NOTCH1: variants seen among roughly 807,000 people sequenced by gnomAD.
The protein encoded by NOTCH1 is neurogenic locus notch homolog protein 1.
In NOTCH1, 37 loss-of-function variants were observed where a neutral mutation model predicts 254.8. That is an observed-to-expected ratio of 0.15 (90% CI 0.11 to 0.19). NOTCH1 has a LOEUF of 0.19. Among genes scored for constraint, NOTCH1 ranks in the 10% least tolerant of loss-of-function variants. The pLI is 1.00. For missense variants in NOTCH1, 2,972 were observed against 3,708.6 expected (o/e 0.80, Z 5.16); for synonymous variants, 1,731 against 1,618.1 (o/e 1.07, Z -1.68).
chr9:136,512,979 T>C (rs1437688958), intron 15 of NOTCH1, 42 bp downstream of exon 15: 21 of 379,950 alleles, frequency 5.5e-5, no homozygotes, highest in Admixed American at 1.5e-4. Context: ...CCCTCCCACA[T>C]AGGCCCCGCC....
In NOTCH1 at chr9:136,520,906, G is replaced by A. The variant is rs576142009; in HGVS notation, c.743-1341C>T. Among the ~76,000 whole-genome samples, 8 of 152,290 alleles carry A rather than the reference G, an allele frequency of 5.3e-5. No individual in the cohort carries two copies. In the South Asian group the frequency reaches 6.2e-4, roughly 12 times the overall value. On this transcript the variant is annotated intron_variant, in intron 4 of 33. Transcript: ENST00000651671. Reference sequence around the variant, plus strand: ...GTGGGGGAGAGGGCGGGAAGCCAGCGAGAGCCCCGTGGACCCCAGCTGGAC... The same window carrying A: ...GTGGGGGAGAGGGCGGGAAGCCAGCAAGAGCCCCGTGGACCCCAGCTGGAC...
At position 136,497,097 on chromosome 9, in the gene NOTCH1, G is replaced by C. The variant is rs1422411830; in HGVS notation, c.6642C>G (p.Ala2214=). ...ACGGGGAGGGCAGCAGTGGCGGCGA[G>C]GCCACGTCTGACAGGTAGCCATGGG... ...ESPHGYLSDV[A]SPPLLPSPFQ... Residue 2214 remains alanine, a synonymous_variant, in exon 34 of 34, where the codon GCC becomes GCG. Coordinates refer to ENST00000651671, the MANE Select transcript of NOTCH1 (RefSeq NM_017617.5). 1 of 1,610,440 alleles carries C rather than the reference G, an allele frequency of 6.2e-7. No homozygotes were observed.
intron 2 of NOTCH1, among the ~76,000 whole-genome samples, chr9:136,531,206 C>T (rs1047618994): frequency 2.6e-5 from 4 of 152,240 alleles, no homozygotes; most frequent in Non-Finnish European, 5.9e-5. Context: ...GACCTACACT[C>T]GGGCTTTCCA....
chr9:136,515,000 G>A (rs762038807), intron 12 of NOTCH1, among the ~76,000 whole-genome samples: 1 of 152,204 alleles, frequency 6.6e-6, no homozygotes, highest in Admixed American at 6.5e-5. Context: ...AGCCACAGAG[G>A]CAGAAGGTAC....
intron 4 of NOTCH1, among the ~76,000 whole-genome samples, chr9:136,521,620 A>G: frequency 6.6e-6 from 1 of 152,104 alleles, no homozygotes; most frequent in African/African-American, 2.4e-5. Flanking sequence ...CTAGGAAGGC[A>G]TCTGAGCCCC....
Position 136,513,991 on chromosome 9 carries a change from G to A in NOTCH1, c.2208-454C>T, listed in dbSNP as rs1292541363. 3.3e-5 allele frequency among the ~76,000 whole-genome samples: 5 copies of A among 152,132 alleles called. No individual in the cohort carries two copies. Among genetic ancestry groups the A allele is most frequent in the Non-Finnish European group, 4.4e-5 (3 of 68,024 alleles). On this transcript the variant is annotated intron_variant, in intron 13 of 33. Coordinates refer to ENST00000651671, the MANE Select transcript of NOTCH1 (RefSeq NM_017617.5). This position sits in a 1 kb window ranked among gnomAD's most constrained non-coding sequence, Gnocchi z 4.7. ...CAAAATAAAGAAAAAAGTGGGGGCC[G>A]CAGCGCTTCCCATACCCAAGACTGC...
chr9:136,505,329 G>A lies in NOTCH1; in HGVS notation c.4567C>T (p.Arg1523Cys), dbSNP rs746025437. Residue 1523 changes from arginine (R) to cysteine (C), a missense_variant, in exon 25 of 34, where the codon CGT (arginine) becomes TGT (cysteine). Arg to Cys is a radical substitution (Grantham distance 180). Transcript: ENST00000651671. The stretch of plus-strand genomic sequence containing the variant: ...CCTTACTTGCACTGGCCTTCCGCAC[G>A]CTGGCAGTCAAAGCCGTCGAAGAGG... ...GCLFDGFDCQ[R>C]AEGQCNPLYD... 3 of 1,587,578 alleles carry A rather than the reference G, an allele frequency of 1.9e-6. No homozygotes were observed. The highest frequency in any genetic ancestry group is 1.3e-5 in the African/African-American group (1 of 74,572).
chr9:136,518,092 A>G, intron 7 of NOTCH1, 45 bp downstream of exon 7: 1 of 1,560,332 alleles, frequency 6.4e-7, no homozygotes, highest in Non-Finnish European at 8.6e-7. Context: ...TTCTGGGGCC[A>G]GGCTGCCACC....
At chr9:136,519,614 C>A (rs779590027) in intron 4 of NOTCH1, 49 bp from the exon 5 acceptor site, 1 of 1,611,740 alleles carries the variant, frequency 6.2e-7, no homozygotes, top group Non-Finnish European at 8.5e-7. Flanking sequence ...TCCAGTCCGG[C>A]TCCTGCCTGG....
rs763870136 is a variant in NOTCH1 at position 136,495,609 on chromosome 9, G to A, written c.*462C>T. On this transcript the variant is annotated 3_prime_UTR_variant, in exon 34 of 34. Coordinates refer to ENST00000651671, the MANE Select transcript of NOTCH1 (RefSeq NM_017617.5). ...CGGGCTGGCTTGGGGTTGGGTGGGC[G>A]TCGGGGAAAGGGCGCGGCCTGGACG... is the stretch of plus-strand genomic sequence containing the variant. The A allele has an allele frequency of 2.5e-5, 10 of 399,826 alleles. No homozygotes were observed. The highest frequency in any genetic ancestry group is 8.8e-5 in the Admixed American group (2 of 22,856). The allele number at this position is 399,826 out of a possible 1,614,324, so 24.8% of individuals were successfully genotyped here. A position where few individuals can be genotyped will look rare whatever the true frequency, so the allele number is the denominator to read the frequency against.
chr9:136,515,429 C>T (rs149227257), intron 11 of NOTCH1, 29 bp from the exon 12 acceptor site: 2 of 1,612,412 alleles, frequency 1.2e-6, no homozygotes, highest in South Asian at 1.1e-5. Flanking sequence ...TCGGTCAGTC[C>T]TCAGGCCCGC....
intron 2 of NOTCH1, among the ~76,000 whole-genome samples, chr9:136,532,773 G>A (rs1843582618): frequency 6.6e-6 from 1 of 152,234 alleles, no homozygotes; most frequent in Non-Finnish European, 1.5e-5. Context: ...GCGGCCCGGG[G>A]TCGCACGGCC....
At chr9:136,510,915 C>G in intron 16 of NOTCH1, 110 bp from the exon 17 acceptor site, 1 of 1,486,286 alleles carries the variant, frequency 6.7e-7, no homozygotes, top group Admixed American at 1.7e-5. Flanking sequence ...GAGTAGGCTT[C>G]CGTGACCCCA....
At chr9:136,536,307 C>A (rs1363172672) in intron 2 of NOTCH1, among the ~76,000 whole-genome samples, 1 of 152,166 alleles carries the variant, frequency 6.6e-6, no homozygotes, top group African/African-American at 2.4e-5. Flanking sequence ...GTCCCAAGGG[C>A]AACTTGGAGA....
chr9:136,517,652 G>A (rs1843297345), intron 8 of NOTCH1, 100 bp downstream of exon 8: 2 of 1,443,924 alleles, frequency 1.4e-6, no homozygotes, highest in Admixed American at 1.8e-5. Flanking sequence ...AGGCATGGAG[G>A]CTGGGGAAAG....
chr9:136,537,831 G>A (rs1411281033), intron 2 of NOTCH1, among the ~76,000 whole-genome samples: 2 of 152,150 alleles, frequency 1.3e-5, no homozygotes, highest in African/African-American at 4.8e-5. Flanking sequence ...AGTGGCTCAC[G>A]CCTGTAATCC....
intron 18 of NOTCH1, among the ~76,000 whole-genome samples, chr9:136,509,375 C>T (rs530376956): frequency 4.6e-5 from 7 of 152,316 alleles, no homozygotes; most frequent in East Asian, 3.9e-4. Flanking sequence ...CCTGGTAACA[C>T]GGGAGGTAAT....
chr9:136,534,299 G>A (rs137862405), intron 2 of NOTCH1, among the ~76,000 whole-genome samples: 13 of 152,306 alleles, frequency 8.5e-5, no homozygotes, highest in African/African-American at 2.6e-4. Flanking sequence ...ATGTCAAGGG[G>A]GCATTTACCC....
chr9:136,509,837 G>T lies in NOTCH1; in HGVS notation c.2865C>A (p.Arg955=). ...CGCAGTCCGTGCAGTTGGCCCCGTT[G>T]CGGCAGGGGTCACTGGCACACTCGT... ...DINECASDPC[R]NGANCTDCVD... Residue 955 remains arginine, a synonymous_variant, in exon 18 of 34, where the codon CGC becomes CGA. Coordinates refer to ENST00000651671, the MANE Select transcript of NOTCH1 (RefSeq NM_017617.5). 6 of 1,613,158 alleles carry T rather than the reference G, an allele frequency of 3.7e-6. No homozygotes were observed. Among genetic ancestry groups the T allele is most frequent in the Non-Finnish European group, 5.1e-6 (6 of 1,180,032 alleles).
Sources: gnomAD v4.1 joint callset for allele counts (sites outside exome capture counted in the v4.1 genomes callset) on GRCh38, gnomAD v4.1.1 for gene constraint, Gnocchi (gnomAD v3.1) non-coding constraint, MANE v1.5 for transcripts, NCBI Gene and HGNC (gene_info 2026-07-23, HGNC 2026-07-21) for gene names.